Variants in NCOR1 observed in about 807,000 individuals in gnomAD.
The protein encoded by NCOR1 is protein phosphatase 1, regulatory subunit 109.
A neutral mutation model predicts 288.1 loss-of-function variants in NCOR1; 63 were observed. The observed-to-expected ratio is 0.22, with a 90% CI of 0.18 to 0.27. The LOEUF is 0.27. Among genes scored for constraint, NCOR1 ranks in the 10% least tolerant of loss-of-function variants. The pLI is 1.00. For missense variants in NCOR1, 2,397 were observed against 3,019.2 expected (o/e 0.79, Z 4.83); for synonymous variants, 1,007 against 1,065.9 (o/e 0.94, Z 1.08).
At chr17:16,173,279 T>C (rs1055472081) in intron 3 of NCOR1, among the ~76,000 whole-genome samples, 10 of 152,152 alleles carry the variant, frequency 6.6e-5, no homozygotes, top group African/African-American at 1.7e-4. Flanking sequence ...ATTCAACACA[T>C]AGAATTCCAT....
intron 45 of NCOR1, 102 bp from the exon 46 acceptor site, chr17:16,032,585 G>C: frequency 8.7e-7 from 1 of 1,145,536 alleles, no homozygotes; most frequent in East Asian, 2.6e-5. Flanking sequence ...TTGTAAAATG[G>C]TCATGTGACA....
chr17:16,193,044 A>C (rs1157014818), intron 2 of NCOR1, among the ~76,000 whole-genome samples: 1 of 152,158 alleles, frequency 6.6e-6, no homozygotes, highest in Non-Finnish European at 1.5e-5. Flanking sequence ...AGGAGGACTG[A>C]CACGGGTGGG....
At chr17:16,096,532 G>A (rs1301353232) in intron 21 of NCOR1, among the ~76,000 whole-genome samples, 1 of 152,132 alleles carries the variant, frequency 6.6e-6, no homozygotes, top group South Asian at 2.1e-4. Context: ...CATGCTTAAT[G>A]CTACTACTGT....
chr17:16,178,234 T>G (rs1186274178), intron 3 of NCOR1, among the ~76,000 whole-genome samples: 2 of 150,954 alleles, frequency 1.3e-5, no homozygotes, highest in African/African-American at 2.4e-5. Flanking sequence ...TTGTGGTGGC[T>G]CATGCCTGTA....
intron 3 of NCOR1, among the ~76,000 whole-genome samples, chr17:16,174,260 G>T (rs535155299): frequency 6.6e-6 from 1 of 152,250 alleles, no homozygotes; most frequent in East Asian, 1.9e-4. Flanking sequence ...AAAGAACAAA[G>T]TTGGAAAACT....
At chr17:16,185,881 G>A (rs143020876) in intron 3 of NCOR1, among the ~76,000 whole-genome samples, 1 of 151,484 alleles carries the variant, frequency 6.6e-6, no homozygotes, top group Non-Finnish European at 1.5e-5. Context: ...AGGCTGCAAT[G>A]AGCCATGATC....
chr17:16,201,148 T>G (rs1236362394), intron 1 of NCOR1, among the ~76,000 whole-genome samples: 2 of 152,226 alleles, frequency 1.3e-5, no homozygotes, highest in African/African-American at 4.8e-5. Context: ...CAGCCTCTTT[T>G]GACATCATGA....
intron 5 of NCOR1, among the ~76,000 whole-genome samples, chr17:16,164,672 T>C (rs2081635185): frequency 6.6e-6 from 1 of 152,092 alleles, no homozygotes; most frequent in African/African-American, 2.4e-5. Context: ...CTGCCATTCC[T>C]GGGCACATGC....
At chr17:16,142,318 A>G (rs1234904429) in intron 11 of NCOR1, among the ~76,000 whole-genome samples, 3 of 152,210 alleles carry the variant, frequency 2.0e-5, no homozygotes, top group Non-Finnish European at 4.4e-5. Context: ...TTAACTGTAT[A>G]TTTAAGTCTA....
At chr17:16,051,877 T>C (rs1439491006) in intron 40 of NCOR1, among the ~76,000 whole-genome samples, 2 of 152,004 alleles carry the variant, frequency 1.3e-5, no homozygotes, top group Non-Finnish European at 2.9e-5. Context: ...CGCCATTGCA[T>C]TCCAGCCTGA....
chr17:16,047,882 A>G (rs966351934), intron 41 of NCOR1, among the ~76,000 whole-genome samples: 1 of 152,236 alleles, frequency 6.6e-6, no homozygotes, highest in African/African-American at 2.4e-5. Context: ...GGAATAAGAC[A>G]TGGTCCCTGT....
At chr17:16,127,353 G>GTGTA (rs1568197968) in intron 14 of NCOR1, among the ~76,000 whole-genome samples, 1 of 140,076 alleles carries the variant, frequency 7.1e-6, no homozygotes, top group African/African-American at 2.7e-5. Context: ...ATGTATATAT[G>GTGTA]TATGTATATA....
intron 4 of NCOR1, among the ~76,000 whole-genome samples, chr17:16,169,822 C>T (rs570194128): frequency 1.3e-5 from 2 of 152,116 alleles, no homozygotes; most frequent in Admixed American, 1.3e-4. Context: ...TGGAAGATGA[C>T]CTTTATTCAC....
chr17:16,124,823 GTCTTAGCATTTTTATACTAATATA>G (rs2073712129), intron 15 of NCOR1, among the ~76,000 whole-genome samples: 1 of 152,128 alleles, frequency 6.6e-6, no homozygotes, highest in South Asian at 2.1e-4. Context: ...AACTCTTCCT[GTCTTAGCATTTTTATACTAATATA>G]TACTACCTGA....
intron 10 of NCOR1, among the ~76,000 whole-genome samples, chr17:16,145,290 G>A (rs899711409): frequency 2.6e-5 from 4 of 152,332 alleles, no homozygotes; most frequent in Non-Finnish European, 4.4e-5. Flanking sequence ...CTCCCAAAGT[G>A]CCGAGATTGC....
At chr17:16,044,825 G>T in intron 42 of NCOR1, 1 of 1,073,688 alleles carries the variant, frequency 9.3e-7, no homozygotes, top group Non-Finnish European at 1.4e-6. Flanking sequence ...TGGTGGACCT[G>T]CTCCAGCAGC....
At chr17:16,189,858 C>T (rs1049307296) in intron 2 of NCOR1, among the ~76,000 whole-genome samples, 4 of 152,258 alleles carry the variant, frequency 2.6e-5, no homozygotes, top group African/African-American at 2.4e-5. Context: ...TCATTAGCAA[C>T]ACTGAATAGA....
At chr17:16,067,800 G>A in intron 32 of NCOR1, 94 bp downstream of exon 32, 1 of 1,171,602 alleles carries the variant, frequency 8.5e-7, no homozygotes, top group Non-Finnish European at 1.2e-6. Context: ...AATGATATTT[G>A]CAATTGTACT....
At chr17:16,078,598 C>T (rs1039259873) in intron 26 of NCOR1, among the ~76,000 whole-genome samples, 4 of 150,382 alleles carry the variant, frequency 2.7e-5, no homozygotes, top group East Asian at 1.9e-4. Context: ...TTTTTTGAGA[C>T]GGAGTCTCAC....
Sources: allele counts gnomAD v4.1 joint callset (sites outside exome capture counted in the v4.1 genomes callset), GRCh38; gene constraint gnomAD v4.1.1; transcripts MANE v1.5; gene names NCBI Gene and HGNC (gene_info 2026-07-23, HGNC 2026-07-21).